The following HSDL2 variants were observed in gnomAD, a reference collection of about 807,000 sequenced individuals.
The protein encoded by HSDL2 is hydroxysteroid dehydrogenase-like protein 2.
In HSDL2, 27 loss-of-function variants were observed where a neutral mutation model predicts 46.3. That is an observed-to-expected ratio of 0.58 (90% CI 0.43 to 0.80). HSDL2 has a LOEUF of 0.80. Ranked by LOEUF, HSDL2 falls within the 30% of genes least tolerant of loss-of-function variation. HSDL2 has a pLI of 0.00. For synonymous variants in HSDL2, 153 were observed against 163.6 expected (o/e 0.94, Z 0.50); for missense variants, 451 against 502.7 (o/e 0.90, Z 0.98).
rs1194473904 is a variant in HSDL2, at chr9:112,471,024, A to G, written c.*480A>G. The G allele has an allele frequency of 6.6e-6, 1 of 152,264 alleles. No individual in the cohort carries two copies. The highest frequency in any genetic ancestry group is 1.5e-5 in the Non-Finnish European group (1 of 68,062). The allele number at this position is 152,264 out of a possible 1,614,324, so 9.4% of individuals were successfully genotyped here. On this transcript the variant is annotated 3_prime_UTR_variant, in exon 11 of 11. Coordinates refer to ENST00000398805, the MANE Select transcript of HSDL2 (RefSeq NM_032303.5). ...TAGTACATTTTACAAAAATTATAAA[A>G]AATGAATTAGTACTGGCGAGGACTA...
intron 8 of HSDL2, among the ~76,000 whole-genome samples, chr9:112,444,834 G>GT: frequency 0.48 from 38,613 of 79,778 alleles, 9,523 homozygotes; most frequent in South Asian, 0.53. Context: ...ACTCAGTCTT[G>GT]TTTTTTTTTT....
intron 1 of HSDL2, among the ~76,000 whole-genome samples, chr9:112,403,646 C>CA (rs572222812): frequency 1.2e-3 from 165 of 136,912 alleles, no homozygotes; most frequent in African/African-American, 1.9e-3. Flanking sequence ...TCCCACCACT[C>CA]AAAAAAAAAA....
chr9:112,384,809 C>G (rs1831182396), intron 1 of HSDL2, among the ~76,000 whole-genome samples: 1 of 150,784 alleles, frequency 6.6e-6, no homozygotes, highest in Non-Finnish European at 1.5e-5. Flanking sequence ...TTTACAGTGA[C>G]AAATCACGTA....
intron 1 of HSDL2, among the ~76,000 whole-genome samples, chr9:112,398,986 G>A (rs1052672230): frequency 7.9e-5 from 12 of 152,124 alleles, no homozygotes; most frequent in South Asian, 2.1e-4. Context: ...TCAGGGAGCC[G>A]AACAAGCGTT....
intron 9 of HSDL2, among the ~76,000 whole-genome samples, chr9:112,455,711 G>T (rs1833002399): frequency 6.6e-6 from 1 of 152,194 alleles, no homozygotes; most frequent in Non-Finnish European, 1.5e-5. Context: ...AACTTTCTCA[G>T]TGTTCCTGAA....
chr9:112,383,686 A>G (rs537999038), intron 1 of HSDL2, among the ~76,000 whole-genome samples: 24 of 152,256 alleles, frequency 1.6e-4, no homozygotes, highest in African/African-American at 5.5e-4. Flanking sequence ...CTATTCATGT[A>G]CCAGTACCAG....
chr9:112,429,008 C>T (rs1192387855), intron 6 of HSDL2, among the ~76,000 whole-genome samples: 2 of 152,226 alleles, frequency 1.3e-5, no homozygotes, highest in African/African-American at 4.8e-5. Flanking sequence ...AAGCGATTCT[C>T]AGGCCACAGC....
intron 7 of HSDL2, among the ~76,000 whole-genome samples, chr9:112,441,284 GAGA>G (rs979264945): frequency 4.6e-5 from 7 of 152,148 alleles, no homozygotes; most frequent in African/African-American, 9.7e-5. Context: ...GAGGGAAAGA[GAGA>G]AGAGACCCAA....
intron 10 of HSDL2, among the ~76,000 whole-genome samples, chr9:112,469,360 T>C (rs1833495111): frequency 1.3e-5 from 2 of 152,046 alleles, no homozygotes; most frequent in African/African-American, 2.4e-5. Flanking sequence ...TTCTAGAAGA[T>C]ATGTCATCTA....
chr9:112,426,816 A>G (rs1335904108), intron 6 of HSDL2, among the ~76,000 whole-genome samples: 1 of 152,186 alleles, frequency 6.6e-6, no homozygotes, highest in Admixed American at 6.5e-5. Context: ...AAAATTAGGT[A>G]TTATAAATAA....
intron 1 of HSDL2, among the ~76,000 whole-genome samples, chr9:112,391,706 G>T (rs1280911070): frequency 1.3e-5 from 2 of 151,978 alleles, no homozygotes; most frequent in African/African-American, 4.8e-5. Flanking sequence ...AGGAGTTCAA[G>T]ACCAGCCCAA....
chr9:112,419,582 T>C (rs1474290765), intron 6 of HSDL2, among the ~76,000 whole-genome samples: 1 of 152,226 alleles, frequency 6.6e-6, no homozygotes, highest in Non-Finnish European at 1.5e-5. Context: ...TCTTTGTTTC[T>C]GGAAACTACC....
chr9:112,397,024 G>A (rs1425895893), intron 1 of HSDL2, among the ~76,000 whole-genome samples: 1 of 152,156 alleles, frequency 6.6e-6, no homozygotes, highest in Non-Finnish European at 1.5e-5. Context: ...ATCAGACTTA[G>A]AACGGCAAGT....
intron 10 of HSDL2, among the ~76,000 whole-genome samples, chr9:112,466,039 C>T (rs1272958972): frequency 6.6e-6 from 1 of 152,226 alleles, no homozygotes; most frequent in Non-Finnish European, 1.5e-5. Flanking sequence ...CATATTCTTG[C>T]ACTTACCAAC....
At position 112,389,026 on chromosome 9, in the gene HSDL2, C is replaced by CTT. The variant is rs111670667; in HGVS notation, c.17+8858_17+8859dup. On this transcript the variant is annotated intron_variant, in intron 1 of 10. Coordinates refer to ENST00000398805, the MANE Select transcript of HSDL2 (RefSeq NM_032303.5). Reference sequence around the variant, plus strand: ...ACCAAGCTTTGATGTATTCAGATCACTTTTTTTTTTTTTCTTTTTGAGACA... The same window carrying CTT: ...ACCAAGCTTTGATGTATTCAGATCACTTTTTTTTTTTTTTTCTTTTTGAGACA... Among the ~76,000 whole-genome samples, 557 of 146,080 alleles carry CTT rather than the reference C, an allele frequency of 3.8e-3. 24 individuals carry two copies. The East Asian group carries it at 0.096, about 25-fold the overall frequency.
intron 2 of HSDL2, 147 bp from the exon 3 acceptor site, chr9:112,405,477 T>G (rs944766487): frequency 1.3e-5 from 7 of 554,608 alleles, no homozygotes; most frequent in Non-Finnish European, 2.2e-5. Flanking sequence ...TGTCCTGCTA[T>G]ATGGTAGAGT....
At chr9:112,405,601 TC>T in intron 2 of HSDL2, 22 bp from the exon 3 acceptor site, 1 of 1,521,122 alleles carries the variant, frequency 6.6e-7, no homozygotes, top group Non-Finnish European at 9.0e-7. Context: ...TAACGCTTTT[TC>T]ATTTTGTATC....
At chr9:112,437,257 G>A (rs1055921878) in intron 6 of HSDL2, among the ~76,000 whole-genome samples, 1 of 151,968 alleles carries the variant, frequency 6.6e-6, no homozygotes, top group Admixed American at 6.6e-5. Context: ...ACCGCACCTA[G>A]CTATTTTCTA....
At chr9:112,455,334 G>A (rs34442540) in intron 9 of HSDL2, among the ~76,000 whole-genome samples, 38,953 of 150,790 alleles carry the variant, frequency 0.26, 5,144 homozygotes, top group Middle Eastern at 0.38. Context: ...TTTATTCTTC[G>A]TCCTCTCTGC....
Sources: gnomAD v4.1 joint callset for allele counts (sites outside exome capture counted in the v4.1 genomes callset) on GRCh38, gnomAD v4.1.1 for gene constraint, MANE v1.5 for transcripts, NCBI Gene and HGNC (gene_info 2026-07-23, HGNC 2026-07-21) for gene names.